CNBD1: variants seen among roughly 807,000 people sequenced by gnomAD.
The protein encoded by CNBD1 is cyclic nucleotide-binding domain-containing protein 1.
A neutral mutation model predicts 54.4 loss-of-function variants in CNBD1; 71 were observed. That is an observed-to-expected ratio of 1.30 (90% confidence interval 1.08 to 1.59). CNBD1 has a LOEUF of 1.59. CNBD1 is among the 40% of genes most tolerant of loss of function. The pLI, the probability that CNBD1 is intolerant of heterozygous loss-of-function variation, is 0.00. For missense variants in CNBD1, 659 were observed against 518.0 expected (o/e 1.27, Z -2.64); for synonymous variants, 182 against 170.7 (o/e 1.07, Z -0.51).
In CNBD1 at chr8:87,339,723, A is replaced by G. The variant is rs1022602024; in HGVS notation, c.1043-11962A>G. On this transcript the variant is annotated intron_variant, in intron 8 of 10. Coordinates refer to ENST00000518476, the MANE Select transcript of CNBD1 (RefSeq NM_173538.3). ...TTTGGTTACTGTGGGGCTTACATAA[A>G]ACACCTTATAGTTATAACTGTCTAT... Among the ~76,000 whole-genome samples, 16 of 152,098 alleles carry G rather than the reference A, an allele frequency of 1.1e-4. No homozygotes were observed. In the East Asian group the frequency reaches 1.5e-3, roughly 15 times the overall value.
chr8:86,904,693 A>G (rs954397387), intron 2 of CNBD1, among the ~76,000 whole-genome samples: 1 of 152,130 alleles, frequency 6.6e-6, no homozygotes. Context: ...ATTTTAACAC[A>G]TGATGGCAAA....
At chr8:86,991,059 G>T (rs758381719) in intron 4 of CNBD1, among the ~76,000 whole-genome samples, 1 of 152,052 alleles carries the variant, frequency 6.6e-6, no homozygotes, top group East Asian at 1.9e-4. Context: ...GAATTTATCA[G>T]TTCTGATAAT....
In CNBD1 at chr8:87,417,149, C is replaced by T. The variant is rs555887313; in HGVS notation, c.214-11397C>T. ...AGGTTTAATGGACTCACAGTTTCCA[C>T]ATGGCTGGGGAGGCCTCATAATCAA... On this transcript the variant is annotated intron_variant, in intron 2 of 7. Transcript: ENST00000521593. 7.2e-5 allele frequency among the ~76,000 whole-genome samples: 11 copies of T among 152,080 alleles called. No homozygotes were observed. The South Asian group carries it at 2.3e-3, about 32-fold the overall frequency.
intron 8 of CNBD1, among the ~76,000 whole-genome samples, chr8:87,334,489 T>G (rs1809901326): frequency 6.6e-6 from 1 of 152,058 alleles, no homozygotes; most frequent in East Asian, 1.9e-4. Context: ...ATTTGAGATA[T>G]CTCTAGGTTT....
At chr8:87,175,984 T>C (rs1813188632) in intron 4 of CNBD1, among the ~76,000 whole-genome samples, 1 of 152,188 alleles carries the variant, frequency 6.6e-6, no homozygotes, top group Non-Finnish European at 1.5e-5. Flanking sequence ...CAGTTTTGTC[T>C]TCTGCTGTGA....
At chr8:87,342,158 A>G (rs1810078136) in intron 8 of CNBD1, among the ~76,000 whole-genome samples, 1 of 152,076 alleles carries the variant, frequency 6.6e-6, no homozygotes, top group South Asian at 2.1e-4. Context: ...CTGTAGTCCC[A>G]GCTACTTGAG....
intron 8 of CNBD1, among the ~76,000 whole-genome samples, chr8:87,287,190 T>C (rs1360271901): frequency 6.6e-6 from 1 of 152,128 alleles, no homozygotes; most frequent in African/African-American, 2.4e-5. Context: ...ATATTCAGCA[T>C]AGCAAGGATG....
intron 4 of CNBD1, among the ~76,000 whole-genome samples, chr8:87,032,691 A>G (rs1809821068): frequency 1.3e-5 from 2 of 152,192 alleles, no homozygotes; most frequent in South Asian, 2.1e-4. Flanking sequence ...AAATGTTTCT[A>G]TATGTTACCA....
At chr8:87,364,875 C>A (rs1284177580) in intron 10 of CNBD1, among the ~76,000 whole-genome samples, 7 of 152,202 alleles carry the variant, frequency 4.6e-5, no homozygotes, top group African/African-American at 1.7e-4. Context: ...ACCACAATTT[C>A]TTTATCCAGT....
chr8:87,241,928 A>G (rs1412215166), intron 6 of CNBD1, among the ~76,000 whole-genome samples: 2 of 152,170 alleles, frequency 1.3e-5, no homozygotes, highest in Non-Finnish European at 2.9e-5. Flanking sequence ...TAAATAAAAA[A>G]TAAAATTCTA....
chr8:87,370,410 A>T (rs980529507), intron 10 of CNBD1, among the ~76,000 whole-genome samples: 4 of 152,038 alleles, frequency 2.6e-5, no homozygotes, highest in Non-Finnish European at 5.9e-5. Flanking sequence ...CTTTTTAATG[A>T]TTGCCATTCT....
In CNBD1 at chr8:86,976,820, C is replaced by G. The variant is rs370275572; in HGVS notation, c.431+37066C>G. ...ATAAATGCTATTGCTTTCTTAAGTTCTTTTATAAATAGTTTTTAGAAAGTA... is the reference window on the plus strand; with the variant it reads ...ATAAATGCTATTGCTTTCTTAAGTTGTTTTATAAATAGTTTTTAGAAAGTA... On this transcript the variant is annotated intron_variant, in intron 4 of 10. Coordinates refer to ENST00000518476, the MANE Select transcript of CNBD1 (RefSeq NM_173538.3). 3.3e-5 allele frequency among the ~76,000 whole-genome samples: 5 copies of G among 151,806 alleles called. No individual in the cohort carries two copies. The East Asian group carries it at 7.8e-4, about 24-fold the overall frequency.
At chr8:87,392,284 G>C (rs528202725) in intron 2 of CNBD1, among the ~76,000 whole-genome samples, 2 of 152,022 alleles carry the variant, frequency 1.3e-5, no homozygotes, top group East Asian at 3.9e-4. Context: ...CTATATTACT[G>C]AGCATTTCTA....
Position 87,206,098 on chromosome 8 carries a change from T to G in CNBD1, c.537T>G (p.Ser179Arg), listed in dbSNP as rs748617412. The change falls in exon 5 of 11, where the codon AGT (serine) becomes AGG (arginine). Residue 179 changes from serine (S) to arginine (R), a missense_variant. Ser to Arg is a moderately radical substitution (Grantham distance 110). Coordinates refer to ENST00000518476, the MANE Select transcript of CNBD1 (RefSeq NM_173538.3). ...QLNDKHLKTL[S>R]KTVFSETWLK... ...ATGATAAGCATCTGAAAACACTTAG[T>G]AAGACTGTCTTTTCCGAAACCTGGT... 6.3e-7 allele frequency: 1 copy of G among 1,595,944 alleles called. No homozygotes were observed. The highest frequency in any genetic ancestry group is 1.8e-5 in the Admixed American group (1 of 56,674).
chr8:87,273,340 G>A (rs922079710), intron 6 of CNBD1, among the ~76,000 whole-genome samples: 1 of 151,596 alleles, frequency 6.6e-6, no homozygotes, highest in South Asian at 2.1e-4. Context: ...TAACTAACTG[G>A]GCACATAGGA....
rs182684403 is a variant in CNBD1, at chr8:86,988,461, A to G, written c.431+48707A>G. ...TATAGGCACAAAATACATAATAATCATATCAGAGGTATCCATCAGGTGGGG... is the reference window on the plus strand; with the variant it reads ...TATAGGCACAAAATACATAATAATCGTATCAGAGGTATCCATCAGGTGGGG... On this transcript the variant is annotated intron_variant, in intron 4 of 10. Transcript: ENST00000518476. Among the ~76,000 whole-genome samples, 277 of 152,292 alleles carry G rather than the reference A, an allele frequency of 1.8e-3. 1 individual carries two copies. The highest frequency in any genetic ancestry group is 6.2e-3 in the South Asian group (30 of 4,832).
chr8:87,303,962 TC>T (rs1563544616), intron 8 of CNBD1, among the ~76,000 whole-genome samples: 9 of 151,368 alleles, frequency 5.9e-5, no homozygotes, highest in Non-Finnish European at 1.0e-4. Flanking sequence ...AGTTAGAATG[TC>T]GATCATTAAA....
At chr8:87,257,927 T>C (rs947466943) in intron 6 of CNBD1, among the ~76,000 whole-genome samples, 4 of 152,130 alleles carry the variant, frequency 2.6e-5, no homozygotes, top group Admixed American at 2.6e-4. Context: ...CATAATAACG[T>C]TAATTATGAT....
chr8:87,367,470 A>G (rs946236631), intron 10 of CNBD1, among the ~76,000 whole-genome samples: 2 of 152,056 alleles, frequency 1.3e-5, no homozygotes, highest in Non-Finnish European at 1.5e-5. Context: ...AAAATCTTCT[A>G]TCAGTCTCTA....
Sources: gnomAD v4.1 joint callset for allele counts (sites outside exome capture counted in the v4.1 genomes callset) on GRCh38, gnomAD v4.1.1 for gene constraint, MANE v1.5 for transcripts, NCBI Gene and HGNC (gene_info 2026-07-23, HGNC 2026-07-21) for gene names.